The following MS4A4A variants were observed in gnomAD, a reference collection of about 807,000 sequenced individuals.
The protein encoded by MS4A4A is membrane-spanning 4-domains subfamily A member 4A.
Under a neutral mutation model 28.0 loss-of-function variants are expected in MS4A4A, and 26 were observed. The ratio of observed to expected loss-of-function variants is 0.93; its 90% confidence interval spans 0.68 to 1.29. The LOEUF (loss-of-function observed/expected upper bound fraction) is 1.29, where lower values mean the gene tolerates loss of function less well. Among genes scored for constraint, MS4A4A ranks in the 50% most tolerant of loss-of-function variants. The pLI is 0.00. For missense variants in MS4A4A, 290 were observed against 293.1 expected (o/e 0.99, Z 0.08); for synonymous variants, 86 against 100.8 (o/e 0.85, Z 0.88).
chr11:60,290,066 C>T (rs938357008), intron 1 of MS4A4A: 1 of 442,990 alleles, frequency 2.3e-6, no homozygotes, highest in East Asian at 7.0e-5. Context: ...TCAAGGATAT[C>T]TACTTCCTTC....
chr11:60,290,111 T>C (rs1265267233), intron 1 of MS4A4A: 1 of 446,004 alleles, frequency 2.2e-6, no homozygotes, highest in Non-Finnish European at 4.5e-6. Flanking sequence ...ATTCAGAGAC[T>C]GATTGCCTTC....
chr11:60,299,698 T>C (rs1340111110), intron 3 of MS4A4A, among the ~76,000 whole-genome samples: 1 of 152,052 alleles, frequency 6.6e-6, no homozygotes, highest in Non-Finnish European at 1.5e-5. Context: ...CCTGGTCTCG[T>C]GATCCACCCG....
chr11:60,283,883 C>A (rs968557416), intron 1 of MS4A4A, among the ~76,000 whole-genome samples: 1 of 152,238 alleles, frequency 6.6e-6, no homozygotes, highest in Non-Finnish European at 1.5e-5. Context: ...TAAATGCAAA[C>A]CACCTCACAA....
At chr11:60,283,212 G>T (rs1004356307) in intron 1 of MS4A4A, among the ~76,000 whole-genome samples, 6 of 151,946 alleles carry the variant, frequency 3.9e-5, no homozygotes, top group Admixed American at 3.9e-4. Flanking sequence ...GATTACAGGC[G>T]CCCACCACCA....
At chr11:60,289,864 C>A (rs778034286) in intron 1 of MS4A4A, among the ~76,000 whole-genome samples, 2 of 152,060 alleles carry the variant, frequency 1.3e-5, no homozygotes, top group Non-Finnish European at 2.9e-5. Context: ...CAATTGTTTT[C>A]TGTCAACACT....
At chr11:60,304,923 A>G (rs181556399) in intron 5 of MS4A4A, among the ~76,000 whole-genome samples, 1 of 152,346 alleles carries the variant, frequency 6.6e-6, no homozygotes, top group East Asian at 1.9e-4. Context: ...AGAGGCCACT[A>G]CAGCTGTTGA....
intron 3 of MS4A4A, among the ~76,000 whole-genome samples, chr11:60,298,660 T>C (rs2084925773): frequency 6.6e-6 from 1 of 152,192 alleles, no homozygotes. Context: ...TACATCTAAC[T>C]ACTTAGTTTT....
intron 1 of MS4A4A, among the ~76,000 whole-genome samples, chr11:60,287,288 T>G (rs1198678666): frequency 6.6e-6 from 1 of 152,138 alleles, no homozygotes; most frequent in Non-Finnish European, 1.5e-5. Flanking sequence ...GCATGCATGG[T>G]GTAAACCTCT....
At chr11:60,300,844 T>C (rs2084947450) in intron 3 of MS4A4A, among the ~76,000 whole-genome samples, 157 bp from the exon 4 acceptor site, 2 of 152,232 alleles carry the variant, frequency 1.3e-5, no homozygotes, top group South Asian at 4.1e-4. Context: ...CTCTGTTCTT[T>C]CTGGGAAAAG....
intron 2 of MS4A4A, among the ~76,000 whole-genome samples, chr11:60,295,445 G>C (rs2084897823): frequency 6.6e-6 from 1 of 151,964 alleles, no homozygotes; most frequent in Admixed American, 6.6e-5. Context: ...AACAAAGGCA[G>C]TTTTATTTTT....
intron 1 of MS4A4A, among the ~76,000 whole-genome samples, chr11:60,290,681 A>T (rs1490237404): frequency 1.3e-5 from 2 of 151,872 alleles, no homozygotes; most frequent in African/African-American, 4.8e-5. Flanking sequence ...TTTTAAGTAT[A>T]TACATTACTA....
chr11:60,295,051 T>C (rs2084894381), intron 2 of MS4A4A, among the ~76,000 whole-genome samples: 1 of 152,030 alleles, frequency 6.6e-6, no homozygotes, highest in Non-Finnish European at 1.5e-5. Context: ...TTAATGGAGA[T>C]TGTATTAAAT....
At chr11:60,286,039 C>T (rs540246682) in intron 1 of MS4A4A, among the ~76,000 whole-genome samples, 1 of 152,282 alleles carries the variant, frequency 6.6e-6, no homozygotes, top group South Asian at 2.1e-4. Flanking sequence ...TAGGCACCCC[C>T]TGGGAATGCA....
At chr11:60,292,719 A>C (rs1196770348) in intron 2 of MS4A4A, among the ~76,000 whole-genome samples, 3 of 152,190 alleles carry the variant, frequency 2.0e-5, no homozygotes, top group African/African-American at 7.2e-5. Flanking sequence ...CCTTCCTGAT[A>C]GCTGACAGGC....
chr11:60,297,521 A>G (rs1353349376), intron 3 of MS4A4A, among the ~76,000 whole-genome samples, 196 bp downstream of exon 3: 1 of 152,178 alleles, frequency 6.6e-6, no homozygotes, highest in African/African-American at 2.4e-5. Context: ...GGCAGATTAA[A>G]TATTTATATA....
chr11:60,302,949 A>G (rs1413178660), intron 5 of MS4A4A, among the ~76,000 whole-genome samples: 1 of 152,198 alleles, frequency 6.6e-6, no homozygotes, highest in African/African-American at 2.4e-5. Flanking sequence ...GTTATAGAAT[A>G]CCTACTCATT....
At chr11:60,296,472 T>A (rs986025033) in intron 2 of MS4A4A, among the ~76,000 whole-genome samples, 1 of 152,086 alleles carries the variant, frequency 6.6e-6, no homozygotes, top group Non-Finnish European at 1.5e-5. Context: ...ATTTTATGAT[T>A]TCTGCTCTAA....
At chr11:60,281,059 T>C (rs1477509063) in intron 1 of MS4A4A, among the ~76,000 whole-genome samples, 2 of 152,238 alleles carry the variant, frequency 1.3e-5, no homozygotes, top group East Asian at 3.8e-4. Context: ...TCATCTACTG[T>C]TAATGCCCTT....
At chr11:60,282,473 C>T in intron 1 of MS4A4A, 1 of 828,792 alleles carries the variant, frequency 1.2e-6, no homozygotes, top group South Asian at 1.6e-5. Flanking sequence ...CTGACTAATC[C>T]ACATGTGGGC....
Sources: allele counts gnomAD v4.1 joint callset (sites outside exome capture counted in the v4.1 genomes callset), GRCh38; gene constraint gnomAD v4.1.1; transcripts MANE v1.5; gene names NCBI Gene and HGNC (gene_info 2026-07-23, HGNC 2026-07-21).